Variants in ZFP91 observed in about 807,000 individuals in gnomAD.
ZFP91 encodes E3 ubiquitin-protein ligase ZFP91.
Under a neutral mutation model 63.5 loss-of-function variants are expected in ZFP91, and 7 were observed. The ratio of observed to expected loss-of-function variants is 0.11; its 90% CI spans 0.06 to 0.21. The LOEUF (loss-of-function observed/expected upper bound fraction) is 0.21, where lower values mean the gene tolerates loss of function less well. ZFP91 is among the 10% of genes least tolerant of loss of function. ZFP91 has a pLI of 1.00. For synonymous variants in ZFP91, 330 were observed against 272.1 expected (o/e 1.21, Z -2.10); for missense variants, 628 against 736.6 (o/e 0.85, Z 1.71).
rs79651166 is a variant in ZFP91 at position 58,592,650 on chromosome 11, C to T, written c.370+7766C>T. 7.4e-3 allele frequency among the ~76,000 whole-genome samples: 1,123 copies of T among 151,960 alleles called. 28 individuals carry two copies. Among genetic ancestry groups the T allele is most frequent in the Admixed American group, 0.055 (833 of 15,260 alleles). On this transcript the variant is annotated intron_variant, in intron 2 of 10. Transcript: ENST00000316059. ...GTCTCATAGAAATGTAGTTACCGAA[C>T]GCTGGGGGGTTAGGAGGTGGAATGA...
intron 7 of ZFP91, 170 bp downstream of exon 7, chr11:58,612,498 A>G: frequency 3.0e-6 from 2 of 677,530 alleles, no homozygotes; most frequent in Middle Eastern, 6.2e-4. Flanking sequence ...TTTCATTGTA[A>G]GAGCTTGAAA....
chr11:58,595,556 T>A (rs1423284229), intron 2 of ZFP91, among the ~76,000 whole-genome samples: 2 of 150,714 alleles, frequency 1.3e-5, no homozygotes, highest in Non-Finnish European at 2.9e-5. Context: ...AAAACATTCC[T>A]GCCAGTAGTA....
intron 1 of ZFP91, 116 bp from the exon 2 acceptor site, chr11:58,584,740 A>T (rs7945334): frequency 1.1e-6 from 1 of 914,566 alleles, no homozygotes; most frequent in Non-Finnish European, 1.6e-6. Flanking sequence ...ATTCTGTAGG[A>T]CAACACTAGT....
intron 2 of ZFP91, among the ~76,000 whole-genome samples, chr11:58,604,370 C>T (rs1219127709): frequency 2.6e-5 from 4 of 151,926 alleles, no homozygotes; most frequent in African/African-American, 7.3e-5. Context: ...TTGACCACCA[C>T]CAAAAGCTAG....
chr11:58,579,739 C>G (rs1362965392), intron 1 of ZFP91, 117 bp downstream of exon 1: 1 of 999,972 alleles, frequency 1.0e-6, no homozygotes, highest in Admixed American at 3.9e-5. Flanking sequence ...CCTGCCGGCT[C>G]CGCACGCCAG....
chr11:58,607,282 C>T (rs1590625458), intron 2 of ZFP91, among the ~76,000 whole-genome samples: 1 of 152,144 alleles, frequency 6.6e-6, no homozygotes, highest in East Asian at 1.9e-4. Flanking sequence ...TAGTCATGAC[C>T]TATATGTAAA....
intron 2 of ZFP91, among the ~76,000 whole-genome samples, chr11:58,603,260 G>A (rs1488279005): frequency 6.6e-6 from 1 of 152,234 alleles, no homozygotes; most frequent in East Asian, 1.9e-4. Context: ...TAATGTGTGA[G>A]AGGAAAGATA....
intron 2 of ZFP91, among the ~76,000 whole-genome samples, chr11:58,596,756 T>A (rs1855410980): frequency 6.6e-6 from 1 of 151,878 alleles, no homozygotes; most frequent in South Asian, 2.1e-4. Flanking sequence ...CTTGATTGGC[T>A]CTGCCATAAA....
chr11:58,614,605 G>A (rs1855720568), intron 9 of ZFP91, among the ~76,000 whole-genome samples: 1 of 152,006 alleles, frequency 6.6e-6, no homozygotes, highest in Non-Finnish European at 1.5e-5. Context: ...TATCAACTGT[G>A]GACTAAATAC....
At chr11:58,598,426 G>A (rs932107332) in intron 2 of ZFP91, among the ~76,000 whole-genome samples, 8 of 152,006 alleles carry the variant, frequency 5.3e-5, no homozygotes, top group Non-Finnish European at 1.2e-4. Context: ...CGTATGAATG[G>A]ATCCATGCAG....
At chr11:58,587,420 T>C (rs1433734815) in intron 2 of ZFP91, among the ~76,000 whole-genome samples, 2 of 152,174 alleles carry the variant, frequency 1.3e-5, no homozygotes, top group Non-Finnish European at 2.9e-5. Flanking sequence ...GACCTTTTGG[T>C]GGAGGTGACA....
In ZFP91 at chr11:58,579,539, C is replaced by T; in HGVS notation, c.258C>T (p.Ala86=). Residue 86 remains alanine, a synonymous_variant, in exon 1 of 11, where the codon GCC becomes GCT. Coordinates refer to ENST00000316059, the MANE Select transcript of ZFP91 (RefSeq NM_053023.5). ...YPRRRRSSPS[A]RPPDVPGQQP... is the part of the protein sequence containing the mutation. ...GCCGGCGGAGGAGCAGCCCCAGCGC[C>T]AGGCCTCCCGACGTCCCCGGGCAGC... 6.3e-7 allele frequency: 1 copy of T among 1,580,728 alleles called. No homozygotes were observed. Among genetic ancestry groups the T allele is most frequent in the Non-Finnish European group, 8.6e-7 (1 of 1,167,634 alleles).
intron 2 of ZFP91, among the ~76,000 whole-genome samples, chr11:58,596,292 G>A (rs1855403026): frequency 6.6e-6 from 1 of 152,162 alleles, no homozygotes; most frequent in South Asian, 2.1e-4. Flanking sequence ...TTATCTCAGG[G>A]GGTGACAGAG....
At chr11:58,610,265 A>G in intron 3 of ZFP91, 33 bp from the exon 4 acceptor site, 1 of 1,585,436 alleles carries the variant, frequency 6.3e-7, no homozygotes, top group Non-Finnish European at 8.6e-7. Context: ...TATCTACACT[A>G]ATAAAATTTT....
intron 2 of ZFP91, among the ~76,000 whole-genome samples, chr11:58,591,506 C>T (rs1272198866): frequency 6.6e-6 from 1 of 152,110 alleles, no homozygotes. Flanking sequence ...GATCTTGGTA[C>T]ATTGTATGAA....
intron 2 of ZFP91, among the ~76,000 whole-genome samples, chr11:58,593,246 T>G (rs1855338722): frequency 6.6e-6 from 1 of 152,238 alleles, no homozygotes; most frequent in African/African-American, 2.4e-5. Context: ...AATGAAACTC[T>G]AAGTTTATCT....
At chr11:58,611,877 A>C in intron 6 of ZFP91, 139 bp downstream of exon 6, 1 of 1,039,540 alleles carries the variant, frequency 9.6e-7, no homozygotes, top group Non-Finnish European at 1.3e-6. Context: ...ATTTGGCCTC[A>C]AGCAGCTGAC....
At chr11:58,610,387 C>A in intron 4 of ZFP91, 53 bp downstream of exon 4, 1 of 1,482,360 alleles carries the variant, frequency 6.7e-7, no homozygotes, top group South Asian at 1.3e-5. Flanking sequence ...ATAGCATAGT[C>A]ACAGTAAATG....
intron 2 of ZFP91, among the ~76,000 whole-genome samples, chr11:58,603,486 AC>A (rs1855523597): frequency 6.6e-6 from 1 of 152,106 alleles, no homozygotes. Context: ...TCTGTGGAGG[AC>A]TCTCATTTGG....
Sources: allele counts gnomAD v4.1 joint callset (sites outside exome capture counted in the v4.1 genomes callset), GRCh38; gene constraint gnomAD v4.1.1; transcripts MANE v1.5; gene names NCBI Gene and HGNC (gene_info 2026-07-23, HGNC 2026-07-21).